Variants in KMT2A observed in about 807,000 individuals in gnomAD.
KMT2A encodes histone-lysine N-methyltransferase 2A.
Under a neutral mutation model 345.3 loss-of-function variants are expected in KMT2A, and 16 were observed. The observed-to-expected ratio is 0.05, with a 90% CI of 0.03 to 0.07. The LOEUF (loss-of-function observed/expected upper bound fraction) is 0.07. Among genes scored for constraint, KMT2A ranks in the 10% least tolerant of loss-of-function variants. The pLI is 1.00. For synonymous variants in KMT2A, 1,599 were observed against 1,778.6 expected (o/e 0.90, Z 2.54); for missense variants, 3,272 against 4,841.6 (o/e 0.68, Z 9.62).
intron 11 of KMT2A, among the ~76,000 whole-genome samples, chr11:118,489,515 G>A (rs2134331570): frequency 6.6e-6 from 1 of 152,200 alleles, no homozygotes; most frequent in South Asian, 2.1e-4. Flanking sequence ...CCTATTTTGT[G>A]TTTTAATTTT....
chr11:118,506,458 A>G lies in KMT2A; in HGVS notation c.10566A>G (p.Pro3522=), dbSNP rs1822744411. 1 of 1,614,122 alleles carries G rather than the reference A, an allele frequency of 6.2e-7. No individual in the cohort carries two copies. Among genetic ancestry groups the G allele is most frequent in the Non-Finnish European group, 8.5e-7 (1 of 1,180,008 alleles). ...CTCCTGGGGGTTCTCCATCCTCTCC[A>G]TCTTCTGGACAGCGGTCAGCAAGCC... ...PTSPGGSPSS[P]SSGQRSASPS... Residue 3522 remains proline, a synonymous_variant, in exon 27 of 36, where the codon CCA becomes CCG. Coordinates refer to ENST00000534358, the MANE Select transcript of KMT2A (RefSeq NM_001197104.2).
At chr11:118,454,029 A>G (rs1293288171) in intron 1 of KMT2A, among the ~76,000 whole-genome samples, 1 of 152,150 alleles carries the variant, frequency 6.6e-6, no homozygotes, top group Non-Finnish European at 1.5e-5. Context: ...TTCTGTCTGT[A>G]TTACATCCAA....
chr11:118,468,885 T>A, intron 2 of KMT2A, 41 bp downstream of exon 2: 1 of 1,527,846 alleles, frequency 6.5e-7, no homozygotes, highest in Non-Finnish European at 9.1e-7. Flanking sequence ...AAGTTTTGTT[T>A]GTTAGGAGAT....
chr11:118,517,264 C>T (rs930970286), intron 31 of KMT2A, among the ~76,000 whole-genome samples: 13 of 151,558 alleles, frequency 8.6e-5, no homozygotes, highest in African/African-American at 2.2e-4. Flanking sequence ...GGCGTGGTGG[C>T]GGGCGCCTGT....
intron 1 of KMT2A, chr11:118,449,784 T>C (rs1324131761): frequency 6.6e-6 from 1 of 152,158 alleles, no homozygotes; most frequent in Non-Finnish European, 1.5e-5. Context: ...CCCATTACTA[T>C]TGGTCATTCA....
At chr11:118,450,034 A>G in intron 1 of KMT2A, 1 of 152,198 alleles carries the variant, frequency 6.6e-6, no homozygotes, top group East Asian at 1.9e-4. Flanking sequence ...ATTCAAATCA[A>G]TCTGGTCATT....
In KMT2A at chr11:118,505,539, C is replaced by T. The variant is rs374441915; in HGVS notation, c.9647C>T (p.Thr3216Ile). ...QRTDLSTTVA[T>I]PSSGLKKRPI... Reference sequence around the variant, plus strand: ...ACAGACCTCAGTACCACAGTAGCCACTCCATCCTCTGGACTCAAGAAAAGA... The same window carrying T: ...ACAGACCTCAGTACCACAGTAGCCATTCCATCCTCTGGACTCAAGAAAAGA... Residue 3216 changes from threonine to isoleucine, a missense_variant, in exon 27 of 36, where the codon ACT becomes ATT. By Grantham distance (89) the Thr-to-Ile change is moderately conservative. Transcript: ENST00000534358. The surrounding 1 kb of genome is among the most constrained non-coding windows in gnomAD (Gnocchi z 4.6). The T allele has an allele frequency of 1.2e-6, 2 of 1,614,204 alleles. No individual in the cohort carries two copies. Among genetic ancestry groups the T allele is most frequent in the Non-Finnish European group, 1.7e-6 (2 of 1,180,036 alleles).
Position 118,504,692 on chromosome 11 carries a change from C to T in KMT2A, c.8800C>T (p.Leu2934=). 2.5e-6 allele frequency: 4 copies of T among 1,614,168 alleles called. No homozygotes were observed. Among genetic ancestry groups the T allele is most frequent in the Non-Finnish European group, 3.4e-6 (4 of 1,180,028 alleles). Residue 2934 remains leucine, a synonymous_variant, in exon 27 of 36, where the codon CTG becomes TTG. Coordinates refer to ENST00000534358, the MANE Select transcript of KMT2A (RefSeq NM_001197104.2). The surrounding 1 kb of genome is among the most constrained non-coding windows in gnomAD (Gnocchi z 6.4). ...GTTGCCTCTAGAGCTACCATCTGAT[C>T]TGTCTGTCTTGACCACCCGGAGTCC... The part of the protein sequence containing the change: ...FELPLELPSD[L]SVLTTRSPTV...
chr11:118,519,464 A>T, intron 31 of KMT2A, 154 bp from the exon 32 acceptor site: 1 of 633,238 alleles, frequency 1.6e-6, no homozygotes, highest in Non-Finnish European at 2.8e-6. Context: ...CATCATTTTA[A>T]TGGCTATCTG....
chr11:118,494,645 A>G lies in KMT2A; in HGVS notation c.5290-49A>G, dbSNP rs1555043430. 24 of 1,496,000 alleles carry G rather than the reference A, an allele frequency of 1.6e-5. No individual in the cohort carries two copies. Among genetic ancestry groups the G allele is most frequent in the Non-Finnish European group, 2.2e-5 (24 of 1,077,840 alleles). 92.7% of individuals were successfully genotyped at this position (1,496,000 alleles called of 1,614,324 possible). On this transcript the variant is annotated intron_variant, in intron 17 of 35. Transcript: ENST00000534358. This position sits in a 1 kb window ranked among gnomAD's most constrained non-coding sequence, Gnocchi z 5.8. ...CTGGTTTGAAGATTTTTCATGTGGT[A>G]TCTAAATGAGTGTTTACATATTTAC...
rs1950929089 is a variant in KMT2A, at chr11:118,520,259, G to T, written c.11429+195G>T. ...ATAAGGTACAGAGGAGAAATTCAAA[G>T]AACTGTAAGATGCCTGTTTTCTTTA... is the stretch of plus-strand genomic sequence containing the variant. On this transcript the variant is annotated intron_variant, in intron 33 of 35. Transcript: ENST00000534358. The surrounding 1 kb of genome is among the most constrained non-coding windows in gnomAD (Gnocchi z 4.3). 3.5e-6 allele frequency: 2 copies of T among 566,278 alleles called. No individual in the cohort carries two copies. Among genetic ancestry groups the T allele is most frequent in the Non-Finnish European group, 6.2e-6 (2 of 321,262 alleles). 35.1% of individuals were successfully genotyped at this position (566,278 alleles called of 1,614,324 possible).
Position 118,491,850 on chromosome 11 carries a change from G to A in KMT2A, c.4926G>A (p.Glu1642=), listed in dbSNP as rs2134341255. 1 of 1,614,106 alleles carries A rather than the reference G, an allele frequency of 6.2e-7. No homozygotes were observed. Among genetic ancestry groups the A allele is most frequent in the Non-Finnish European group, 8.5e-7 (1 of 1,180,002 alleles). Residue 1642 remains glutamate (E), a synonymous_variant, in exon 15 of 36, where the codon GAG becomes GAA. Coordinates refer to ENST00000534358, the MANE Select transcript of KMT2A (RefSeq NM_001197104.2). This position sits in a 1 kb window ranked among gnomAD's most constrained non-coding sequence, Gnocchi z 4.2. ...AGTGGCGACTGGCCCTTGAAAAAGA[G>A]CTGCAGATTTCTCTGAAGCAAGTTC... is the stretch of plus-strand genomic sequence containing the variant. ...PAEWRLALEK[E]LQISLKQVLT... is the part of the protein sequence containing the mutation.
chr11:118,481,553 A>C (rs1950132720), intron 6 of KMT2A, among the ~76,000 whole-genome samples, 162 bp from the exon 7 acceptor site: 1 of 152,220 alleles, frequency 6.6e-6, no homozygotes, highest in African/African-American at 2.4e-5. Flanking sequence ...ATAGTGCTGC[A>C]GGAAACATGA....
In KMT2A at chr11:118,484,333, C is replaced by T. The variant is rs1555040279; in HGVS notation, c.4218+19C>T. ...CTTTAAGGTAAAGGTGTTCAGTGAT[C>T]ATAAAGTATATTGAGTGTCAAAGAC... On this transcript the variant is annotated intron_variant, in intron 9 of 35. Coordinates refer to ENST00000534358, the MANE Select transcript of KMT2A (RefSeq NM_001197104.2). This position sits in a 1 kb window ranked among gnomAD's most constrained non-coding sequence, Gnocchi z 4.1. 2.5e-6 allele frequency: 4 copies of T among 1,612,222 alleles called. No homozygotes were observed. The highest frequency in any genetic ancestry group is 1.7e-5 in the Admixed American group (1 of 59,726).
chr11:118,462,319 T>A (rs1949760830), intron 1 of KMT2A, among the ~76,000 whole-genome samples: 1 of 151,968 alleles, frequency 6.6e-6, no homozygotes, highest in Non-Finnish European at 1.5e-5. Context: ...GTTTTTTTGT[T>A]TTGTTTTGTT....
At chr11:118,486,564 G>T (rs1950233378) in intron 10 of KMT2A, among the ~76,000 whole-genome samples, 1 of 152,068 alleles carries the variant, frequency 6.6e-6, no homozygotes, top group Non-Finnish European at 1.5e-5. Context: ...CATAAGATAT[G>T]TATTCAAAGG....
In KMT2A at chr11:118,484,388, G is replaced by C; in HGVS notation, c.4218+74G>C. On this transcript the variant is annotated intron_variant, in intron 9 of 35. Transcript: ENST00000534358. This position sits in a 1 kb window ranked among gnomAD's most constrained non-coding sequence, Gnocchi z 4.1. Reference sequence around the variant, plus strand: ...AATAAAGAAAATGCTACTACCAAAGGTGTTGAAAGAGGAAATCAGCACCAA... The same window carrying C: ...AATAAAGAAAATGCTACTACCAAAGCTGTTGAAAGAGGAAATCAGCACCAA... 6.6e-7 allele frequency: 1 copy of C among 1,514,190 alleles called. No homozygotes were observed. Among genetic ancestry groups the C allele is most frequent in the Non-Finnish European group, 9.0e-7 (1 of 1,106,024 alleles). The allele number at this position is 1,514,190 out of a possible 1,614,324, so 93.8% of individuals were successfully genotyped here. A position where few individuals can be genotyped will look rare whatever the true frequency, so the allele number is the denominator to read the frequency against.
At position 118,497,816 on chromosome 11, in the gene KMT2A, C is replaced by T. The variant is rs567431339; in HGVS notation, c.5665-120C>T. Reference sequence around the variant, plus strand: ...AAGAATTCTGATTTCTGTGTGCCTCCCTCCATTAAAGAATTATAGTTGCTT... The same window carrying T: ...AAGAATTCTGATTTCTGTGTGCCTCTCTCCATTAAAGAATTATAGTTGCTT... On this transcript the variant is annotated intron_variant, in intron 20 of 35. Transcript: ENST00000534358. The surrounding 1 kb of genome is among the most constrained non-coding windows in gnomAD (Gnocchi z 4.8). The T allele has an allele frequency of 2.6e-4, 181 of 694,582 alleles. 2 individuals carry two copies. The South Asian group carries it at 3.3e-3, about 13-fold the overall frequency. The allele number at this position is 694,582 out of a possible 1,614,324, so 43.0% of individuals were successfully genotyped here.
intron 1 of KMT2A, among the ~76,000 whole-genome samples, chr11:118,437,315 C>T (rs1949209970): frequency 6.6e-6 from 1 of 152,146 alleles, no homozygotes; most frequent in East Asian, 1.9e-4. Context: ...AGACCTGATC[C>T]CGCCACATCC....
Sources: allele counts gnomAD v4.1 joint callset (sites outside exome capture counted in the v4.1 genomes callset), GRCh38; gene constraint gnomAD v4.1.1; non-coding constraint Gnocchi (gnomAD v3.1); transcripts MANE v1.5; gene names NCBI Gene and HGNC (gene_info 2026-07-23, HGNC 2026-07-21).